The following EIF4G3 variants were observed in gnomAD, a reference collection of about 807,000 sequenced individuals.
EIF4G3 encodes the protein eukaryotic translation initiation factor 4 gamma 3.
In EIF4G3, 34 loss-of-function variants were observed where a neutral mutation model predicts 186.4. The ratio of observed to expected loss-of-function variants is 0.18; its 90% CI spans 0.14 to 0.24. EIF4G3 has a LOEUF of 0.24. Ranked by LOEUF, EIF4G3 falls within the 10% of genes least tolerant of loss-of-function variation. The pLI, the probability that EIF4G3 is intolerant of heterozygous loss-of-function variation, is 1.00. For synonymous variants in EIF4G3, 673 were observed against 679.5 expected (o/e 0.99, Z 0.15); for missense variants, 1,536 against 1,948.5 (o/e 0.79, Z 3.99).
At chr1:20,897,847 C>T (rs1015701095) in intron 16 of EIF4G3, among the ~76,000 whole-genome samples, 1 of 151,626 alleles carries the variant, frequency 6.6e-6, no homozygotes, top group Non-Finnish European at 1.5e-5. Context: ...AGGGCCTATA[C>T]TGTAAAACTG....
At chr1:21,037,610 A>G (rs912069379) in intron 4 of EIF4G3, among the ~76,000 whole-genome samples, 18 of 152,216 alleles carry the variant, frequency 1.2e-4, no homozygotes, top group African/African-American at 4.3e-4. Context: ...ACCACGATGC[A>G]AAGCATATTA....
At chr1:21,026,703 A>G (rs1571268371) in intron 4 of EIF4G3, among the ~76,000 whole-genome samples, 1 of 152,180 alleles carries the variant, frequency 6.6e-6, no homozygotes, top group East Asian at 1.9e-4. Context: ...TAATCCCAGC[A>G]CTTTGGGAGG....
At chr1:21,050,260 C>T (rs2094133805) in intron 4 of EIF4G3, among the ~76,000 whole-genome samples, 1 of 152,184 alleles carries the variant, frequency 6.6e-6, no homozygotes. Context: ...AACAATATAT[C>T]TTGGCAAACA....
chr1:21,168,435 A>G (rs1407754342), intron 2 of EIF4G3, among the ~76,000 whole-genome samples: 1 of 151,504 alleles, frequency 6.6e-6, no homozygotes, highest in Non-Finnish European at 1.5e-5. Context: ...ATCTCTTTTT[A>G]TTTTTGGGGG....
chr1:20,835,746 T>C (rs1488284646), intron 30 of EIF4G3, among the ~76,000 whole-genome samples: 5 of 152,112 alleles, frequency 3.3e-5, no homozygotes, highest in Non-Finnish European at 7.4e-5. Flanking sequence ...AAGACCAGCC[T>C]GGGCAACATA....
chr1:21,116,143 T>C (rs1250218002), intron 2 of EIF4G3, among the ~76,000 whole-genome samples: 1 of 152,186 alleles, frequency 6.6e-6, no homozygotes, highest in Non-Finnish European at 1.5e-5. Flanking sequence ...AATACTTCAA[T>C]AGCAGCTGAA....
At chr1:20,929,180 C>T (rs2095150218) in intron 14 of EIF4G3, among the ~76,000 whole-genome samples, 1 of 152,106 alleles carries the variant, frequency 6.6e-6, no homozygotes, top group Admixed American at 6.6e-5. Flanking sequence ...CATTTTCCCC[C>T]CCATTCTTCT....
intron 14 of EIF4G3, among the ~76,000 whole-genome samples, chr1:20,926,617 T>C (rs376898962): frequency 5.3e-5 from 8 of 151,388 alleles, no homozygotes; most frequent in South Asian, 4.2e-4. Context: ...CAGTGAGCCA[T>C]GTTTATGCCA....
At chr1:20,852,153 C>A (rs1557919129) in intron 27 of EIF4G3, among the ~76,000 whole-genome samples, 1 of 152,114 alleles carries the variant, frequency 6.6e-6, no homozygotes, top group Non-Finnish European at 1.5e-5. Flanking sequence ...TCAAGTGATT[C>A]TCTTGCCTCA....
chr1:21,176,850 C>A lies in EIF4G3; in HGVS notation c.-584G>T, dbSNP rs577458143. The A allele has an allele frequency of 2.7e-4, 191 of 701,456 alleles. No homozygotes were observed. Among genetic ancestry groups the A allele is most frequent in the Middle Eastern group, 4.6e-4 (2 of 4,362 alleles). The allele number at this position is 701,456 out of a possible 1,614,324, so 43.5% of individuals were successfully genotyped here. A position where few individuals can be genotyped will look rare whatever the true frequency, so the allele number is the denominator to read the frequency against. ...GATTTTCTTCACTCAACGAGCAGAGCATCCAACATGGCGCTGTGGCCGCCT... is the reference window on the plus strand; with the variant it reads ...GATTTTCTTCACTCAACGAGCAGAGAATCCAACATGGCGCTGTGGCCGCCT... On this transcript the variant is annotated 5_prime_UTR_variant, in exon 1 of 37. An upstream start codon of the reference 5' UTR is lost. Coordinates refer to ENST00000602326, the MANE Select transcript of EIF4G3 (RefSeq NM_001391906.1).
chr1:21,095,320 C>T (rs6693055), intron 2 of EIF4G3, among the ~76,000 whole-genome samples: 65,543 of 151,946 alleles, frequency 0.43, 14,521 homozygotes, highest in Non-Finnish European at 0.47. Context: ...ATCTCTGGAA[C>T]GTACACAACT....
intron 14 of EIF4G3, among the ~76,000 whole-genome samples, chr1:20,917,068 A>G (rs527518148): frequency 5.1e-4 from 78 of 152,232 alleles, no homozygotes; most frequent in Non-Finnish European, 9.8e-4. Context: ...TATTTGTAAT[A>G]GCCCCAAACT....
In EIF4G3 at chr1:21,127,218, G is replaced by T. The variant is rs533909104; in HGVS notation, c.-271-38005C>A. Among the ~76,000 whole-genome samples the T allele has an allele frequency of 6.6e-5, 10 of 152,162 alleles. No individual in the cohort carries two copies. In the East Asian group the frequency reaches 1.9e-3, roughly 29 times the overall value. On this transcript the variant is annotated intron_variant, in intron 2 of 36. Coordinates refer to ENST00000602326, the MANE Select transcript of EIF4G3 (RefSeq NM_001391906.1). ...TGCTCAAGCTGTTCTCAAAGCCATG[G>T]GCTGCACCAATCCTCCCCAAAGTGC... is the stretch of plus-strand genomic sequence containing the variant.
chr1:21,092,419 A>C (rs1231130799), intron 2 of EIF4G3, among the ~76,000 whole-genome samples: 2 of 152,118 alleles, frequency 1.3e-5, no homozygotes, highest in Non-Finnish European at 2.9e-5. Flanking sequence ...ATCAATATTC[A>C]TCAGGGATAT....
At chr1:20,819,214 A>G (rs746778509) in intron 33 of EIF4G3, among the ~76,000 whole-genome samples, 46 of 152,274 alleles carry the variant, frequency 3.0e-4, no homozygotes, top group Non-Finnish European at 5.7e-4. Flanking sequence ...AAGTCAAGAT[A>G]CAGGCCAAGT....
At chr1:21,101,890 C>CA (rs903827595) in intron 2 of EIF4G3, among the ~76,000 whole-genome samples, 8 of 151,564 alleles carry the variant, frequency 5.3e-5, no homozygotes, top group Non-Finnish European at 7.4e-5. Flanking sequence ...TAACTGGTAA[C>CA]AAAAAAAACC....
At chr1:20,840,151 CT>C (rs1318131809) in intron 30 of EIF4G3, among the ~76,000 whole-genome samples, 3 of 152,174 alleles carry the variant, frequency 2.0e-5, no homozygotes, top group African/African-American at 7.2e-5. Context: ...GCAAATTTCA[CT>C]TTAAACATTG....
chr1:20,910,608 A>G (rs1454445079), intron 14 of EIF4G3, among the ~76,000 whole-genome samples: 2 of 152,128 alleles, frequency 1.3e-5, no homozygotes, highest in Non-Finnish European at 2.9e-5. Context: ...AAAACAAAAC[A>G]AAACAAAAAC....
At chr1:20,882,990 G>A (rs2082881202) in intron 19 of EIF4G3, among the ~76,000 whole-genome samples, 1 of 151,808 alleles carries the variant, frequency 6.6e-6, no homozygotes, top group Non-Finnish European at 1.5e-5. Context: ...GCTGAGGAGG[G>A]AGGATCGCTT....
Sources: gnomAD v4.1 joint callset for allele counts (sites outside exome capture counted in the v4.1 genomes callset) on GRCh38, gnomAD v4.1.1 for gene constraint, MANE v1.5 for transcripts, NCBI Gene and HGNC (gene_info 2026-07-23, HGNC 2026-07-21) for gene names.